RASAL2: variants seen among roughly 807,000 people sequenced by gnomAD.
RASAL2 encodes ras GTPase-activating protein nGAP.
Under a neutral mutation model 128.9 loss-of-function variants are expected in RASAL2, and 58 were observed. The ratio of observed to expected loss-of-function variants is 0.45; its 90% CI spans 0.36 to 0.56. The LOEUF (loss-of-function observed/expected upper bound fraction) is 0.56, where lower values mean the gene tolerates loss of function less well. RASAL2 is among the 20% of genes least tolerant of loss of function. The pLI is 0.00. For synonymous variants in RASAL2, 561 were observed against 580.8 expected (o/e 0.97, Z 0.49); for missense variants, 1,360 against 1,601.6 (o/e 0.85, Z 2.57).
chr1:178,444,772 A>C (rs1046344989), intron 8 of RASAL2, among the ~76,000 whole-genome samples: 1 of 152,182 alleles, frequency 6.6e-6, no homozygotes, highest in Non-Finnish European at 1.5e-5. Flanking sequence ...TAGATTCTAC[A>C]TTGACACTGT....
intron 4 of RASAL2, among the ~76,000 whole-genome samples, chr1:178,397,579 T>C (rs552075458): frequency 1.1e-4 from 17 of 152,152 alleles, no homozygotes; most frequent in African/African-American, 4.1e-4. Flanking sequence ...TGGGGATATA[T>C]AAAAATCACT....
chr1:178,252,698 A>G (rs1665113530), intron 1 of RASAL2, among the ~76,000 whole-genome samples: 1 of 152,224 alleles, frequency 6.6e-6, no homozygotes, highest in African/African-American at 2.4e-5. Context: ...GAAAAACTTT[A>G]TAATGATAGT....
intron 4 of RASAL2, among the ~76,000 whole-genome samples, chr1:178,390,947 A>C (rs1038353146): frequency 6.6e-6 from 1 of 152,224 alleles, no homozygotes; most frequent in South Asian, 2.1e-4. Context: ...CGAGACTCAG[A>C]AAGTTGCAGA....
At chr1:178,261,675 C>T (rs990139226) in intron 1 of RASAL2, among the ~76,000 whole-genome samples, 1 of 152,080 alleles carries the variant, frequency 6.6e-6, no homozygotes, top group Non-Finnish European at 1.5e-5. Context: ...GTAATCCCAG[C>T]ATTTTGGGAG....
intron 1 of RASAL2, among the ~76,000 whole-genome samples, chr1:178,201,210 C>T (rs75952492): frequency 0.16 from 24,330 of 151,986 alleles, 2,434 homozygotes; most frequent in East Asian, 0.31. Context: ...TCAATTTGGG[C>T]CCCCTAAGTA....
rs77749561 is a variant in RASAL2, at chr1:178,111,145, G to A, written c.202+16451G>A. ...TTTGTATTGCTGATAGTATCCCATC[G>A]ATATTCTACAATTGTTTGCCAGCTC... On this transcript the variant is annotated intron_variant, in intron 1 of 17. Coordinates refer to ENST00000367649, the MANE Select transcript of RASAL2 (RefSeq NM_170692.4). Among the ~76,000 whole-genome samples, 154 of 152,190 alleles carry A rather than the reference G, an allele frequency of 1.0e-3. 1 individual carries two copies. In the East Asian group the frequency reaches 0.018, roughly 18 times the overall value.
intron 1 of RASAL2, among the ~76,000 whole-genome samples, chr1:178,282,069 G>C (rs1017052055): frequency 1.3e-5 from 2 of 152,174 alleles, no homozygotes; most frequent in Non-Finnish European, 2.9e-5. Context: ...GGTTGGTGTA[G>C]ATTGGAGATG....
At chr1:178,355,469 C>T (rs897593400) in intron 3 of RASAL2, among the ~76,000 whole-genome samples, 1 of 152,066 alleles carries the variant, frequency 6.6e-6, no homozygotes, top group African/African-American at 2.4e-5. Context: ...TAACAATTTA[C>T]ATAAAAATGA....
intron 1 of RASAL2, among the ~76,000 whole-genome samples, chr1:178,135,172 G>T (rs1344180211): frequency 2.0e-5 from 3 of 151,956 alleles, no homozygotes; most frequent in Non-Finnish European, 4.4e-5. Context: ...ATCTTAAAAC[G>T]TCTATAAAGC....
chr1:178,467,499 C>G, intron 17 of RASAL2, 78 bp downstream of exon 17: 1 of 1,265,750 alleles, frequency 7.9e-7, no homozygotes, highest in Non-Finnish European at 1.1e-6. Flanking sequence ...CTTGCAAATG[C>G]CAAGGCAGGT....
intron 2 of RASAL2, among the ~76,000 whole-genome samples, chr1:178,288,559 T>C (rs150371133): frequency 3.4e-4 from 52 of 151,748 alleles, no homozygotes; most frequent in African/African-American, 1.1e-3. Flanking sequence ...TCACTAGCAA[T>C]TCTCCCCTAC....
intron 5 of RASAL2, among the ~76,000 whole-genome samples, chr1:178,429,043 G>A (rs1432553698): frequency 6.6e-6 from 1 of 152,084 alleles, no homozygotes; most frequent in Non-Finnish European, 1.5e-5. Context: ...CTCATGGGGT[G>A]ATTTGGGGAC....
intron 3 of RASAL2, among the ~76,000 whole-genome samples, chr1:178,362,031 C>T (rs1279060054): frequency 6.6e-6 from 1 of 152,080 alleles, no homozygotes; most frequent in East Asian, 1.9e-4. Context: ...GGCGGTAATG[C>T]TTGTTCATCT....
At position 178,364,326 on chromosome 1, in the gene RASAL2, C is replaced by T. The variant is rs374436674; in HGVS notation, c.458-25774C>T. 1.2e-4 allele frequency among the ~76,000 whole-genome samples: 19 copies of T among 152,210 alleles called. No homozygotes were observed. The East Asian group carries it at 2.9e-3, about 23-fold the overall frequency. On this transcript the variant is annotated intron_variant, in intron 3 of 17. Transcript: ENST00000367649. Reference sequence around the variant, plus strand: ...CAATATGGAATGTAGTTCTGAGTGTCGGCTCTGGAATAAGAATATCTAAGT... The same window carrying T: ...CAATATGGAATGTAGTTCTGAGTGTTGGCTCTGGAATAAGAATATCTAAGT...
chr1:178,215,543 T>G (rs1663396252), intron 1 of RASAL2, among the ~76,000 whole-genome samples: 1 of 152,254 alleles, frequency 6.6e-6, no homozygotes, highest in Admixed American at 6.5e-5. Context: ...CTAGTATTAC[T>G]TATGAATACA....
At chr1:178,284,418 T>C (rs561865996) in intron 2 of RASAL2, among the ~76,000 whole-genome samples, 1 of 152,328 alleles carries the variant, frequency 6.6e-6, no homozygotes, top group South Asian at 2.1e-4. Context: ...CTTTTTGATG[T>C]ATTCTGTAGA....
At chr1:178,140,671 A>C (rs1476676255) in intron 1 of RASAL2, among the ~76,000 whole-genome samples, 2 of 152,170 alleles carry the variant, frequency 1.3e-5, no homozygotes, top group African/African-American at 2.4e-5. Context: ...AAAACCAGTG[A>C]ATCTCCATTG....
At chr1:178,150,980 G>A (rs1412884114) in intron 1 of RASAL2, among the ~76,000 whole-genome samples, 1 of 152,108 alleles carries the variant, frequency 6.6e-6, no homozygotes, top group Non-Finnish European at 1.5e-5. Context: ...AAGTGCTGAA[G>A]TGTTATCTAG....
At chr1:178,177,005 C>G (rs79582961) in intron 1 of RASAL2, among the ~76,000 whole-genome samples, 1 of 152,102 alleles carries the variant, frequency 6.6e-6, no homozygotes, top group African/African-American at 2.4e-5. Context: ...ATTCTTTATA[C>G]AGAAAATTAG....
Sources: allele counts gnomAD v4.1 joint callset (sites outside exome capture counted in the v4.1 genomes callset), GRCh38; gene constraint gnomAD v4.1.1; transcripts MANE v1.5; gene names NCBI Gene and HGNC (gene_info 2026-07-23, HGNC 2026-07-21).